STK33: variants seen among roughly 807,000 people sequenced by gnomAD.
STK33 encodes the protein serine/threonine kinase 33.
A neutral mutation model predicts 58.0 loss-of-function variants in STK33; 52 were observed. The ratio of observed to expected loss-of-function variants is 0.90; its 90% CI spans 0.72 to 1.13. The LOEUF is 1.13. Ranked by LOEUF, STK33 falls within the 50% of genes most tolerant of loss-of-function variation. The pLI, the probability that STK33 is intolerant of heterozygous loss-of-function variation, is 0.00. For missense variants in STK33, 630 were observed against 604.2 expected, an observed-to-expected ratio of 1.04 and a Z score of -0.45; for synonymous variants, 215 against 200.1, an observed-to-expected ratio of 1.07 and a Z score of -0.63.
intron 1 of STK33, among the ~76,000 whole-genome samples, chr11:8,529,938 G>A (rs1169319376): frequency 6.6e-6 from 1 of 152,150 alleles, no homozygotes; most frequent in African/African-American, 2.4e-5. Context: ...TTAGTTACGT[G>A]AGCAAGAGAA....
chr11:8,498,977 C>T (rs1565200468), intron 1 of STK33, among the ~76,000 whole-genome samples: 1 of 152,070 alleles, frequency 6.6e-6, no homozygotes. Context: ...ACCATAAAAC[C>T]CCTAGAAGAA....
chr11:8,512,599 T>C (rs532613513), intron 1 of STK33, among the ~76,000 whole-genome samples: 1 of 152,230 alleles, frequency 6.6e-6, no homozygotes, highest in African/African-American at 2.4e-5. Flanking sequence ...GTAAGCTCAT[T>C]TCTTATGAGC....
intron 1 of STK33, among the ~76,000 whole-genome samples, chr11:8,549,321 C>T (rs1279849656): frequency 1.3e-5 from 2 of 152,142 alleles, no homozygotes; most frequent in East Asian, 3.8e-4. Flanking sequence ...TGGTGTAAAT[C>T]ACACTTGATT....
intron 11 of STK33, among the ~76,000 whole-genome samples, chr11:8,445,254 G>C (rs926744253): frequency 6.6e-6 from 1 of 152,152 alleles, no homozygotes; most frequent in African/African-American, 2.4e-5. Context: ...TGCTGAAGTT[G>C]TTTTTCAGCT....
At chr11:8,494,720 C>A (rs1465339604) in intron 1 of STK33, among the ~76,000 whole-genome samples, 1 of 152,146 alleles carries the variant, frequency 6.6e-6, no homozygotes, top group East Asian at 1.9e-4. Flanking sequence ...GTAACCAAAA[C>A]AGCCTGGTAC....
At chr11:8,360,379 C>T in the STK33 span, among the ~76,000 whole-genome samples, 2 of 152,248 alleles carry the variant, frequency 1.3e-5, no homozygotes, top group Non-Finnish European at 2.9e-5. Flanking sequence ...GCACGAGAGG[C>T]TAGGCAGAAA....
At chr11:8,441,874 G>A (rs1293523039) in intron 11 of STK33, among the ~76,000 whole-genome samples, 2 of 152,036 alleles carry the variant, frequency 1.3e-5, no homozygotes, top group African/African-American at 4.8e-5. Context: ...AGATAGATAC[G>A]TAAGCATTTG....
the STK33 span, among the ~76,000 whole-genome samples, chr11:8,379,765 C>G: frequency 6.6e-6 from 1 of 152,172 alleles, no homozygotes; most frequent in Admixed American, 6.5e-5. Flanking sequence ...TTCTGATCCT[C>G]TCCCTCCACC....
intron 1 of STK33, among the ~76,000 whole-genome samples, chr11:8,492,545 G>C (rs1038918121): frequency 2.5e-4 from 38 of 152,174 alleles, no homozygotes; most frequent in Non-Finnish European, 2.5e-4. Context: ...CAACGAGACA[G>C]AAAGTTAACA....
At chr11:8,548,495 G>A (rs1297473037) in intron 1 of STK33, among the ~76,000 whole-genome samples, 1 of 152,164 alleles carries the variant, frequency 6.6e-6, no homozygotes, top group Non-Finnish European at 1.5e-5. Flanking sequence ...GTACCATGCT[G>A]TTCTGGTTAT....
At chr11:8,592,326 C>CA (rs1435644562) in intron 1 of STK33, among the ~76,000 whole-genome samples, 1 of 152,086 alleles carries the variant, frequency 6.6e-6, no homozygotes, top group African/African-American at 2.4e-5. Context: ...ACTAAGACTC[C>CA]AATACAAAAA....
chr11:8,576,345 T>C (rs951923628), intron 1 of STK33, among the ~76,000 whole-genome samples: 1 of 152,206 alleles, frequency 6.6e-6, no homozygotes, highest in African/African-American at 2.4e-5. Context: ...TTCAAGTCAG[T>C]GTGTTCTTAG....
chr11:8,571,515 T>C (rs1957805140), intron 1 of STK33, among the ~76,000 whole-genome samples: 1 of 152,166 alleles, frequency 6.6e-6, no homozygotes, highest in Non-Finnish European at 1.5e-5. Flanking sequence ...ATGTAATTAC[T>C]GTCACTTAAT....
the STK33 span, among the ~76,000 whole-genome samples, chr11:8,362,850 G>GCCTCTCTCCCTCCCTCTCTTCCTC: frequency 6.7e-6 from 1 of 149,614 alleles, no homozygotes; most frequent in Non-Finnish European, 1.5e-5. Context: ...CTCTCTTTCT[G>GCCTCTCTCCCTCCCTCTCTTCCTC]CCTCTCTCCC....
At chr11:8,373,080 A>G in the STK33 span, among the ~76,000 whole-genome samples, 1,660 of 152,296 alleles carry the variant, frequency 0.011, 29 homozygotes, top group African/African-American at 0.037. Context: ...GCTGTCTCCC[A>G]TGTCTGGACC....
chr11:8,444,536 T>C (rs1276550989), intron 11 of STK33, among the ~76,000 whole-genome samples: 1 of 152,148 alleles, frequency 6.6e-6, no homozygotes, highest in Non-Finnish European at 1.5e-5. Context: ...ATGAGTGACA[T>C]AATTCCTATT....
chr11:8,459,123 G>A (rs1233628896), intron 8 of STK33, among the ~76,000 whole-genome samples: 2 of 152,216 alleles, frequency 1.3e-5, no homozygotes, highest in Admixed American at 6.5e-5. Flanking sequence ...ATATAAATTG[G>A]TCAATTTTAA....
intron 14 of STK33, among the ~76,000 whole-genome samples, chr11:8,429,135 T>C (rs574143481): frequency 1.8e-4 from 27 of 152,260 alleles, no homozygotes; most frequent in Non-Finnish European, 2.9e-4. Context: ...AAGAAGAACT[T>C]GTTCATAAAT....
chr11:8,349,200 G>A, the STK33 span, among the ~76,000 whole-genome samples: 1 of 152,178 alleles, frequency 6.6e-6, no homozygotes, highest in Non-Finnish European at 1.5e-5. Context: ...GTAAACTGGG[G>A]GCAGTAATAG....
Sources: allele counts gnomAD v4.1 joint callset (sites outside exome capture counted in the v4.1 genomes callset), GRCh38; gene constraint gnomAD v4.1.1; transcripts MANE v1.5; gene names NCBI Gene and HGNC (gene_info 2026-07-23, HGNC 2026-07-21).